The following RPS6KA5 variants were observed in gnomAD, a reference collection of about 807,000 sequenced individuals.
RPS6KA5 encodes the protein ribosomal protein S6 kinase alpha-5.
Under a neutral mutation model 85.5 loss-of-function variants are expected in RPS6KA5, and 27 were observed. That is an observed-to-expected ratio of 0.32 (90% CI 0.23 to 0.44). RPS6KA5 has a LOEUF of 0.44. RPS6KA5 is among the 20% of genes least tolerant of loss of function. The probability of loss-of-function intolerance (pLI) is 1.00; values close to 1 mark genes in which losing one functional copy is unlikely to be tolerated. For synonymous variants in RPS6KA5, 334 were observed against 348.2 expected (o/e 0.96, Z 0.46); for missense variants, 811 against 980.9 (o/e 0.83, Z 2.31).
At chr14:91,040,300 TG>T (rs1334095266) in intron 1 of RPS6KA5, among the ~76,000 whole-genome samples, 1 of 152,020 alleles carries the variant, frequency 6.6e-6, no homozygotes, top group East Asian at 1.9e-4. Flanking sequence ...CCCAGCTACT[TG>T]GGAGGCTGAG....
chr14:91,057,315 C>G (rs1287543941), intron 1 of RPS6KA5, among the ~76,000 whole-genome samples: 1 of 152,164 alleles, frequency 6.6e-6, no homozygotes, highest in Non-Finnish European at 1.5e-5. Flanking sequence ...CACCTAACAT[C>G]TGCAAGGCAC....
At chr14:90,948,851 C>T (rs988584834) in intron 3 of RPS6KA5, among the ~76,000 whole-genome samples, 49 of 152,256 alleles carry the variant, frequency 3.2e-4, no homozygotes, top group African/African-American at 1.1e-3. Flanking sequence ...AAGCGTATAT[C>T]CCAAGTATAT....
intron 3 of RPS6KA5, among the ~76,000 whole-genome samples, chr14:90,971,254 T>A (rs906519166): frequency 6.6e-6 from 1 of 151,820 alleles, no homozygotes; most frequent in Non-Finnish European, 1.5e-5. Flanking sequence ...AAGGGAGAGG[T>A]TGCAATGAGC....
At position 90,894,516 on chromosome 14, in the gene RPS6KA5, T is replaced by C; in HGVS notation, c.1541A>G (p.Lys514Arg). Residue 514 changes from lysine to arginine, a missense_variant, in exon 13 of 17, where the codon AAG becomes AGG. Physicochemically the swap from Lys to Arg is conservative, Grantham distance 26 (BLOSUM62 2). This residue lies in a region of RPS6KA5 where 650 missense variants were observed against 793.4 expected (regional missense o/e 0.82). Coordinates refer to ENST00000614987, the MANE Select transcript of RPS6KA5 (RefSeq NM_004755.4). Reference protein sequence around the residue: ...GELFERIKKKKHFSETEASYI... With the variant: ...GELFERIKKKRHFSETEASYI... ...GCTGGCTTCCGTCTCACTGAAGTGC[T>C]TCTTTTTCTTAATGCGCTCAAACAG... 1 of 1,614,196 alleles carries C rather than the reference T, an allele frequency of 6.2e-7. No homozygotes were observed. The highest frequency in any genetic ancestry group is 8.5e-7 in the Non-Finnish European group (1 of 1,180,038).
intron 1 of RPS6KA5, among the ~76,000 whole-genome samples, chr14:91,021,957 G>A (rs1420573587): frequency 6.6e-6 from 1 of 152,060 alleles, no homozygotes; most frequent in Non-Finnish European, 1.5e-5. Flanking sequence ...TTGCTACTGA[G>A]GTACCTTGCC....
At chr14:90,960,916 C>A (rs575844852) in intron 3 of RPS6KA5, among the ~76,000 whole-genome samples, 5 of 152,296 alleles carry the variant, frequency 3.3e-5, no homozygotes, top group African/African-American at 1.2e-4. Context: ...CTTTTTGTCT[C>A]TGTGGACATA....
intron 1 of RPS6KA5, among the ~76,000 whole-genome samples, chr14:91,012,473 C>T (rs1482146983): frequency 6.6e-6 from 1 of 152,216 alleles, no homozygotes; most frequent in African/African-American, 2.4e-5. Context: ...CAATTCCAGT[C>T]TTTTCTTGTT....
rs571438974 is a variant in RPS6KA5 at position 91,053,374 on chromosome 14, T to C, written c.103+6958A>G. Among the ~76,000 whole-genome samples the C allele has an allele frequency of 5.9e-5, 9 of 152,298 alleles. No homozygotes were observed. The South Asian group carries it at 1.0e-3, about 18-fold the overall frequency. On this transcript the variant is annotated intron_variant, in intron 1 of 16. Coordinates refer to ENST00000614987, the MANE Select transcript of RPS6KA5 (RefSeq NM_004755.4). The stretch of plus-strand genomic sequence containing the variant: ...CTGGCCAAGGCAATTAAGCAGGAAA[T>C]TGAAACAAAAGATATCTGGATTGGA...
intron 3 of RPS6KA5, among the ~76,000 whole-genome samples, chr14:90,950,782 G>C (rs977210995): frequency 6.6e-6 from 1 of 152,064 alleles, no homozygotes; most frequent in Non-Finnish European, 1.5e-5. Flanking sequence ...ACTGGATTTG[G>C]TTTGATAGAA....
At chr14:91,046,494 G>A (rs2042877959) in intron 1 of RPS6KA5, among the ~76,000 whole-genome samples, 2 of 152,162 alleles carry the variant, frequency 1.3e-5, no homozygotes, top group Non-Finnish European at 2.9e-5. Flanking sequence ...CTCTGTTCAT[G>A]CTGTCTTCAT....
intron 1 of RPS6KA5, among the ~76,000 whole-genome samples, chr14:91,017,524 G>A (rs952993387): frequency 6.6e-6 from 1 of 152,196 alleles, no homozygotes; most frequent in Non-Finnish European, 1.5e-5. Flanking sequence ...TGATGGAATG[G>A]CCTCTGGAAG....
At chr14:90,903,070 G>A in intron 8 of RPS6KA5, 101 bp from the exon 9 acceptor site, 1 of 971,960 alleles carries the variant, frequency 1.0e-6, no homozygotes, top group Non-Finnish European at 1.5e-6. Context: ...AGGGAGAGAG[G>A]ATAAAAATAA....
At chr14:90,929,378 A>T (rs182185146) in intron 5 of RPS6KA5, among the ~76,000 whole-genome samples, 14 of 152,260 alleles carry the variant, frequency 9.2e-5, no homozygotes, top group African/African-American at 3.1e-4. Context: ...GTAGTCATCT[A>T]TACAAAAATC....
intron 1 of RPS6KA5, chr14:91,052,194 T>A (rs2043108598): frequency 3.2e-6 from 1 of 313,188 alleles, no homozygotes; most frequent in South Asian, 2.5e-5. Flanking sequence ...ATGCCTGTAA[T>A]CCCAGCACTT....
chr14:90,914,882 T>C (rs2036029607), intron 7 of RPS6KA5, among the ~76,000 whole-genome samples: 1 of 152,128 alleles, frequency 6.6e-6, no homozygotes, highest in African/African-American at 2.4e-5. Flanking sequence ...AATGTGTAGA[T>C]GAGTAGCTAC....
chr14:90,936,523 C>T (rs111862909), intron 5 of RPS6KA5, among the ~76,000 whole-genome samples: 1,977 of 151,916 alleles, frequency 0.013, 36 homozygotes, highest in African/African-American at 0.041. Context: ...GATCTTGCCA[C>T]GCTGGGTGAC....
chr14:90,969,976 C>A (rs1042502895), intron 3 of RPS6KA5, among the ~76,000 whole-genome samples: 4 of 152,014 alleles, frequency 2.6e-5, no homozygotes, highest in African/African-American at 9.7e-5. Flanking sequence ...GTTCTCATTT[C>A]TACCTACTCT....
At chr14:90,906,066 G>A in intron 8 of RPS6KA5, 83 bp downstream of exon 8, 1 of 1,299,176 alleles carries the variant, frequency 7.7e-7, no homozygotes, top group South Asian at 1.7e-5. Flanking sequence ...AAAGGGGACT[G>A]TGTTCACTAA....
intron 1 of RPS6KA5, among the ~76,000 whole-genome samples, chr14:91,059,794 T>C (rs1000663510): frequency 6.6e-6 from 1 of 152,134 alleles, no homozygotes; most frequent in Non-Finnish European, 1.5e-5. Context: ...CCTGTTCCTG[T>C]CTCTAGACTG....
Sources: allele counts gnomAD v4.1 joint callset (sites outside exome capture counted in the v4.1 genomes callset), GRCh38; gene constraint gnomAD v4.1.1; regional missense constraint gnomAD v4.1.1; transcripts MANE v1.5; gene names NCBI Gene and HGNC (gene_info 2026-07-23, HGNC 2026-07-21).